The following ZNF638 variants were observed in gnomAD, a reference collection of about 807,000 sequenced individuals.
ZNF638 encodes zinc finger protein 638.
Under a neutral mutation model 195.6 loss-of-function variants are expected in ZNF638, and 46 were observed. That is an observed-to-expected ratio of 0.24 (90% CI 0.19 to 0.30). ZNF638 has a LOEUF of 0.30. Among genes scored for constraint, ZNF638 ranks in the 10% least tolerant of loss-of-function variants. The probability of loss-of-function intolerance (pLI) is 1.00; values close to 1 mark genes in which losing one functional copy is unlikely to be tolerated. For missense variants in ZNF638, 2,440 were observed against 2,325.3 expected, an observed-to-expected ratio of 1.05 and a Z score of -1.01; for synonymous variants, 845 against 772.0, an observed-to-expected ratio of 1.09 and a Z score of -1.57.
chr2:71,419,625 G>T (rs1397606066), intron 21 of ZNF638, among the ~76,000 whole-genome samples: 2 of 152,164 alleles, frequency 1.3e-5, no homozygotes, highest in African/African-American at 4.8e-5. Context: ...CATACCAGGT[G>T]CATTCACATA....
chr2:71,410,793 G>C (rs1033581077), intron 20 of ZNF638, among the ~76,000 whole-genome samples: 4 of 152,106 alleles, frequency 2.6e-5, no homozygotes, highest in Non-Finnish European at 5.9e-5. Context: ...CAAGCTCTAA[G>C]AAAATTTCAA....
In ZNF638 at chr2:71,395,472, TTC is replaced by T. The variant is rs1299603126; in HGVS notation, c.2378-665_2378-664del. ...AGAATAAAGGCTGAAGGCAGCTAAA[TTC>T]TCTTACCCTGACGCTAAGGGCAAGA... On this transcript the variant is annotated intron_variant, in intron 10 of 27. Transcript: ENST00000264447. 3 of 609,128 alleles carry T rather than the reference TTC, an allele frequency of 4.9e-6. No individual in the cohort carries two copies. The East Asian group carries it at 8.2e-5, about 17-fold the overall frequency. 37.7% of individuals were successfully genotyped at this position (609,128 alleles called of 1,614,324 possible). A position where few individuals can be genotyped will look rare whatever the true frequency, so the allele number is the denominator to read the frequency against.
chr2:71,370,385 TG>T (rs1307590411), intron 8 of ZNF638, among the ~76,000 whole-genome samples: 8 of 152,216 alleles, frequency 5.3e-5, no homozygotes, highest in African/African-American at 1.9e-4. Context: ...ATGCCATAGT[TG>T]AGTTTTGCCT....
intron 23 of ZNF638, among the ~76,000 whole-genome samples, chr2:71,425,771 G>A (rs896047516): frequency 1.1e-4 from 16 of 152,182 alleles, no homozygotes; most frequent in Admixed American, 1.0e-3. Flanking sequence ...CCAGGTTCAA[G>A]TGTTTCTCCT....
rs2080736821 is a variant in ZNF638, at chr2:71,435,002, T to C, written c.*195T>C. ...GATTTTTATATCAAATCATCAGGCA[T>C]GGAGAAATATCTTTTAGAAGTGTTA... is the stretch of plus-strand genomic sequence containing the variant. On this transcript the variant is annotated 3_prime_UTR_variant, in exon 28 of 28. Transcript: ENST00000264447. The C allele has an allele frequency of 2.0e-6, 1 of 494,554 alleles. No homozygotes were observed. Among genetic ancestry groups the C allele is most frequent in the Admixed American group, 3.8e-5 (1 of 26,204 alleles). 30.6% of individuals were successfully genotyped at this position (494,554 alleles called of 1,614,324 possible). A position where few individuals can be genotyped will look rare whatever the true frequency, so the allele number is the denominator to read the frequency against.
Position 71,365,643 on chromosome 2 carries a change from T to C in ZNF638, c.1932T>C (p.Leu644=). ...GHSIRCKSKN[L]EDDTLSECKQ... ...CTATTCGTTGTAAATCAAAGAATCT[T>C]GAAGATGACACTTTGTCAGAATGTA... is the stretch of plus-strand genomic sequence containing the variant. The change falls in exon 6 of 28, where the codon CTT becomes CTC. Residue 644 remains leucine, a synonymous_variant. Coordinates refer to ENST00000264447, the MANE Select transcript of ZNF638 (RefSeq NM_014497.5). The C allele has an allele frequency of 6.2e-7, 1 of 1,614,138 alleles. No homozygotes were observed. The highest frequency in any genetic ancestry group is 8.5e-7 in the Non-Finnish European group (1 of 1,179,970).
chr2:71,348,330 TAC>T, intron 1 of ZNF638: 4 of 880,428 alleles, frequency 4.5e-6, no homozygotes, highest in Non-Finnish European at 5.5e-6. Flanking sequence ...CTTTTAGGCT[TAC>T]AGTTCTTACT....
At chr2:71,377,531 C>T (rs778246263) in intron 8 of ZNF638, among the ~76,000 whole-genome samples, 13 of 152,122 alleles carry the variant, frequency 8.5e-5, no homozygotes, top group African/African-American at 1.2e-4. Flanking sequence ...AGCGAAAATA[C>T]GCAATCAGAA....
intron 1 of ZNF638, among the ~76,000 whole-genome samples, chr2:71,347,410 C>T (rs1227334283): frequency 1.3e-5 from 2 of 152,064 alleles, no homozygotes; most frequent in Non-Finnish European, 2.9e-5. Context: ...AGACCATTTT[C>T]CCAGCCAAAT....
chr2:71,355,685 T>C, intron 2 of ZNF638, 34 bp from the exon 3 acceptor site: 1 of 1,392,534 alleles, frequency 7.2e-7, no homozygotes, highest in African/African-American at 1.5e-5. Flanking sequence ...ATGAGGAATA[T>C]TCTAATTTCA....
In ZNF638 at chr2:71,420,976, T is replaced by A. The variant is rs529184921; in HGVS notation, c.3300-1838T>A. ...GTATGGAACTGCATAATGGTTCAGT[T>A]TGTATATAAGATAATAACTTTTTTA... On this transcript the variant is annotated intron_variant, in intron 21 of 27. Coordinates refer to ENST00000264447, the MANE Select transcript of ZNF638 (RefSeq NM_014497.5). Among the ~76,000 whole-genome samples the A allele has an allele frequency of 2.0e-5, 3 of 152,296 alleles. No homozygotes were observed. In the East Asian group the frequency reaches 5.8e-4, roughly 29 times the overall value.
chr2:71,394,111 C>T (rs1302099045), intron 10 of ZNF638, among the ~76,000 whole-genome samples: 2 of 152,100 alleles, frequency 1.3e-5, no homozygotes, highest in African/African-American at 4.8e-5. Flanking sequence ...GGGGACAAGC[C>T]CTTAGTCTCC....
At chr2:71,359,464 C>T (rs947012316) in intron 3 of ZNF638, among the ~76,000 whole-genome samples, 4 of 152,204 alleles carry the variant, frequency 2.6e-5, no homozygotes, top group Non-Finnish European at 5.9e-5. Context: ...ACCATCTGGG[C>T]TCCCAGCCTA....
At chr2:71,398,551 A>G in intron 11 of ZNF638, 150 bp from the exon 12 acceptor site, 1 of 671,736 alleles carries the variant, frequency 1.5e-6, no homozygotes, top group South Asian at 1.7e-5. Context: ...CTAGATTTAG[A>G]AAATGGCCTA....
chr2:71,383,532 TCTC>T (rs956663973), intron 10 of ZNF638, among the ~76,000 whole-genome samples: 1 of 150,688 alleles, frequency 6.6e-6, no homozygotes, highest in African/African-American at 2.4e-5. Flanking sequence ...CTTTTCCTCT[TCTC>T]ATGTCATGCT....
At chr2:71,363,083 C>G (rs989015205) in intron 3 of ZNF638, 70 bp from the exon 4 acceptor site, 1 of 1,087,744 alleles carries the variant, frequency 9.2e-7, no homozygotes, top group Non-Finnish European at 1.4e-6. Context: ...TGATATATTA[C>G]AGGTAAAGAT....
intron 8 of ZNF638, among the ~76,000 whole-genome samples, chr2:71,377,312 G>C (rs2079448849): frequency 6.6e-6 from 1 of 152,088 alleles, no homozygotes; most frequent in African/African-American, 2.4e-5. Flanking sequence ...AACGCTTTCA[G>C]CCATGACATA....
At chr2:71,380,414 A>AT in intron 9 of ZNF638, 99 bp from the exon 10 acceptor site, 2 of 1,193,914 alleles carry the variant, frequency 1.7e-6, no homozygotes, top group South Asian at 3.1e-5. Context: ...CTCCAGTTGA[A>AT]TTATTTTAAA....
chr2:71,426,974 T>C lies in ZNF638; in HGVS notation c.5105T>C (p.Phe1702Ser). Residue 1702 changes from phenylalanine (F) to serine (S), a missense_variant, in exon 24 of 28, where the codon TTT (phenylalanine) becomes TCT (serine). By Grantham distance (155) the Phe-to-Ser change is radical (BLOSUM62 -2). Around this residue, in one of 5 missense-constraint regions of ZNF638, gnomAD observed 1,883 missense variants for 1,739.1 expected, o/e 1.08. Coordinates refer to ENST00000264447, the MANE Select transcript of ZNF638 (RefSeq NM_014497.5). ...TTGAATGAGTCAGCAGACATAACTTTTGCCACTTTAAATACTAAAGGAAAT... is the reference window on the plus strand; with the variant it reads ...TTGAATGAGTCAGCAGACATAACTTCTGCCACTTTAAATACTAAAGGAAAT... ...LPLNESADITFATLNTKGNEG... is the reference protein window; with the variant it reads ...LPLNESADITSATLNTKGNEG... 6.2e-7 allele frequency: 1 copy of C among 1,612,454 alleles called. No individual in the cohort carries two copies. The highest frequency in any genetic ancestry group is 1.1e-5 in the South Asian group (1 of 90,758).
Sources: allele counts gnomAD v4.1 joint callset (sites outside exome capture counted in the v4.1 genomes callset), GRCh38; gene constraint gnomAD v4.1.1; regional missense constraint gnomAD v4.1.1; transcripts MANE v1.5; gene names NCBI Gene and HGNC (gene_info 2026-07-23, HGNC 2026-07-21).